Variants in GALNTL6 observed in about 807,000 individuals in gnomAD.
GALNTL6 encodes polypeptide N-acetylgalactosaminyltransferase like 6, also known as polypeptide N-acetylgalactosaminyltransferase-like 6.
In GALNTL6, 46 loss-of-function variants were observed where a neutral mutation model predicts 73.7. That is an observed-to-expected ratio of 0.62 (90% CI 0.49 to 0.80). The LOEUF is 0.80. Among genes scored for constraint, GALNTL6 ranks in the 30% least tolerant of loss-of-function variants. The probability of loss-of-function intolerance (pLI) is 0.00; values close to 1 mark genes in which losing one functional copy is unlikely to be tolerated. For synonymous variants in GALNTL6, 259 were observed against 263.7 expected (o/e 0.98, Z 0.17); for missense variants, 604 against 755.0 (o/e 0.80, Z 2.34).
At chr4:172,094,812 A>T (rs1732302502) in intron 2 of GALNTL6, among the ~76,000 whole-genome samples, 2 of 152,046 alleles carry the variant, frequency 1.3e-5, no homozygotes, top group Non-Finnish European at 2.9e-5. Context: ...TTTCTTGAAG[A>T]GCTGCTTTCA....
At chr4:172,281,229 C>T (rs1739043138) in intron 3 of GALNTL6, among the ~76,000 whole-genome samples, 1 of 152,100 alleles carries the variant, frequency 6.6e-6, no homozygotes, top group Non-Finnish European at 1.5e-5. Flanking sequence ...GTGAGAAGTC[C>T]AAAATGGATC....
chr4:171,891,739 T>C (rs1326278005), intron 2 of GALNTL6, among the ~76,000 whole-genome samples: 1 of 152,196 alleles, frequency 6.6e-6, no homozygotes, highest in Non-Finnish European at 1.5e-5. Context: ...TATCTGTAGG[T>C]TAAAGTTGCC....
intron 2 of GALNTL6, among the ~76,000 whole-genome samples, chr4:171,983,141 G>A (rs1281818179): frequency 6.6e-6 from 1 of 152,042 alleles, no homozygotes; most frequent in Non-Finnish European, 1.5e-5. Context: ...AAATAAACCC[G>A]TATAGTTTTA....
At chr4:172,182,390 T>C (rs1403134371) in intron 2 of GALNTL6, among the ~76,000 whole-genome samples, 1 of 152,102 alleles carries the variant, frequency 6.6e-6, no homozygotes, top group African/African-American at 2.4e-5. Context: ...GTAAAGAGGT[T>C]TGTAAGCTGC....
At chr4:172,082,010 GGGATTACA>G (rs1731895638) in intron 2 of GALNTL6, among the ~76,000 whole-genome samples, 1 of 151,834 alleles carries the variant, frequency 6.6e-6, no homozygotes, top group African/African-American at 2.4e-5. Flanking sequence ...CTGAGTAGCT[GGGATTACA>G]GGCACCCATC....
chr4:172,665,818 GA>G (rs1731630785), intron 5 of GALNTL6, among the ~76,000 whole-genome samples: 2 of 152,154 alleles, frequency 1.3e-5, no homozygotes, highest in Non-Finnish European at 2.9e-5. Context: ...TTCTACTAAT[GA>G]TTTTTGTTAT....
chr4:171,886,282 G>A (rs1578941471), intron 2 of GALNTL6, among the ~76,000 whole-genome samples: 1 of 152,070 alleles, frequency 6.6e-6, no homozygotes, highest in East Asian at 1.9e-4. Flanking sequence ...TGTTACCTGT[G>A]CTGCCATTAT....
At chr4:173,023,428 G>A (rs552465188) in intron 12 of GALNTL6, among the ~76,000 whole-genome samples, 4 of 152,206 alleles carry the variant, frequency 2.6e-5, no homozygotes, top group East Asian at 1.9e-4. Flanking sequence ...GAGGAGAGGC[G>A]GGCAGATCAC....
At chr4:172,462,032 C>T (rs1053528758) in intron 5 of GALNTL6, among the ~76,000 whole-genome samples, 3 of 152,104 alleles carry the variant, frequency 2.0e-5, no homozygotes, top group Non-Finnish European at 4.4e-5. Context: ...CTCTCCTTGA[C>T]CTGAGACATC....
At chr4:172,308,904 G>T (rs1740252507) in intron 3 of GALNTL6, among the ~76,000 whole-genome samples, 1 of 152,080 alleles carries the variant, frequency 6.6e-6, no homozygotes, top group African/African-American at 2.4e-5. Flanking sequence ...ACTGTGTTGG[G>T]TTAAAAATTT....
chr4:172,411,030 C>T (rs1469753268), intron 5 of GALNTL6, among the ~76,000 whole-genome samples: 1 of 152,094 alleles, frequency 6.6e-6, no homozygotes, highest in African/African-American at 2.4e-5. Context: ...AGATTATGTA[C>T]ATTCGTAAAA....
chr4:172,492,101 T>C (rs948996081), intron 5 of GALNTL6, among the ~76,000 whole-genome samples: 4 of 152,178 alleles, frequency 2.6e-5, no homozygotes, highest in African/African-American at 4.8e-5. Context: ...ATCACAGCTA[T>C]CACCTTACAC....
At chr4:172,799,332 G>GA (rs1190347945) in intron 5 of GALNTL6, among the ~76,000 whole-genome samples, 4 of 152,148 alleles carry the variant, frequency 2.6e-5, no homozygotes, top group Non-Finnish European at 5.9e-5. Context: ...GCAGTGGGGG[G>GA]AAAAATTACA....
intron 2 of GALNTL6, among the ~76,000 whole-genome samples, chr4:171,968,910 C>T (rs967302018): frequency 3.4e-5 from 5 of 148,758 alleles, no homozygotes; most frequent in Non-Finnish European, 6.0e-5. Flanking sequence ...GATCTCGGCT[C>T]ACTGCAACCT....
chr4:172,478,463 A>G (rs1008489104), intron 5 of GALNTL6, among the ~76,000 whole-genome samples: 1 of 152,214 alleles, frequency 6.6e-6, no homozygotes, highest in Admixed American at 6.5e-5. Context: ...AGACATAGGC[A>G]GAAGAATTAA....
chr4:172,842,808 A>G (rs1323353632), intron 7 of GALNTL6, among the ~76,000 whole-genome samples: 1 of 151,980 alleles, frequency 6.6e-6, no homozygotes, highest in Non-Finnish European at 1.5e-5. Context: ...GGGAAATACA[A>G]AATTATAAAT....
At position 172,227,193 on chromosome 4, in the gene GALNTL6, G is replaced by A. The variant is rs569486051; in HGVS notation, c.139-2463G>A. 3.5e-4 allele frequency among the ~76,000 whole-genome samples: 54 copies of A among 152,206 alleles called. 1 individual carries two copies. The highest frequency in any genetic ancestry group is 6.6e-4 in the Non-Finnish European group (45 of 68,012). On this transcript the variant is annotated intron_variant, in intron 2 of 12. Transcript: ENST00000506823. ...GGTGTGCACCTAGGAGCCAGTACCT[G>A]CATCTCTTCCAGTTGATTTCAATTC...
intron 8 of GALNTL6, among the ~76,000 whole-genome samples, chr4:172,926,300 CA>C (rs1369017444): frequency 6.6e-6 from 1 of 152,128 alleles, no homozygotes; most frequent in East Asian, 1.9e-4. Context: ...TGAATACCAC[CA>C]CATTGGAGAT....
rs180911306 is a variant in GALNTL6 at position 172,004,603 on chromosome 4, G to A, written c.138+189885G>A. On this transcript the variant is annotated intron_variant, in intron 2 of 12. Transcript: ENST00000506823. ...AACTCAGCATATGTACAATATAAGT[G>A]GGAAATTAAAGCAGAGAAACAGATG... Among the ~76,000 whole-genome samples, 841 of 152,018 alleles carry A rather than the reference G, an allele frequency of 5.5e-3. 5 individuals carry two copies. The highest frequency in any genetic ancestry group is 7.6e-3 in the Non-Finnish European group (519 of 67,950).
Sources: gnomAD v4.1 joint callset for allele counts (sites outside exome capture counted in the v4.1 genomes callset) on GRCh38, gnomAD v4.1.1 for gene constraint, MANE v1.5 for transcripts, NCBI Gene and HGNC (gene_info 2026-07-23, HGNC 2026-07-21) for gene names.